CDK14: variants seen among roughly 807,000 people sequenced by gnomAD.
CDK14 encodes the protein cyclin-dependent kinase 14.
In CDK14, 34 loss-of-function variants were observed where a neutral mutation model predicts 60.7. The ratio of observed to expected loss-of-function variants is 0.56; its 90% CI spans 0.43 to 0.75. The LOEUF (loss-of-function observed/expected upper bound fraction) is 0.75. Among genes scored for constraint, CDK14 ranks in the 30% least tolerant of loss-of-function variants. The probability of loss-of-function intolerance (pLI) is 0.00; values close to 1 mark genes in which losing one functional copy is unlikely to be tolerated. For synonymous variants in CDK14, 197 were observed against 203.7 expected, an observed-to-expected ratio of 0.97 and a Z score of 0.28; for missense variants, 482 against 564.1, an observed-to-expected ratio of 0.85 and a Z score of 1.47.
intron 5 of CDK14, among the ~76,000 whole-genome samples, chr7:90,845,690 G>A (rs1790446858): frequency 2.0e-5 from 3 of 152,078 alleles, no homozygotes; most frequent in South Asian, 2.1e-4. Context: ...CGTATCACAG[G>A]TAATAGGCAC....
chr7:91,092,510 A>G (rs189271555), intron 12 of CDK14, among the ~76,000 whole-genome samples: 4 of 152,346 alleles, frequency 2.6e-5, no homozygotes, highest in African/African-American at 9.6e-5. Flanking sequence ...CCATGCACAA[A>G]GCAAGTTCCC....
At chr7:90,917,902 TGGA>T (rs1429381697) in intron 8 of CDK14, among the ~76,000 whole-genome samples, 178 bp downstream of exon 8, 5 of 152,096 alleles carry the variant, frequency 3.3e-5, no homozygotes. Context: ...TAATGCTTTG[TGGA>T]GTTTTATAAA....
intron 3 of CDK14, among the ~76,000 whole-genome samples, chr7:90,738,026 A>T (rs1192574585): frequency 6.6e-6 from 1 of 152,158 alleles, no homozygotes; most frequent in Non-Finnish European, 1.5e-5. Context: ...CAGTTCAGAC[A>T]CCCATCCTTG....
At chr7:90,920,915 CAGGT>C (rs529516604) in intron 8 of CDK14, among the ~76,000 whole-genome samples, 12 of 151,754 alleles carry the variant, frequency 7.9e-5, no homozygotes, top group Non-Finnish European at 1.5e-4. Context: ...CTCTGAATTC[CAGGT>C]AGTCAAAATG....
intron 10 of CDK14, among the ~76,000 whole-genome samples, chr7:90,998,293 T>A (rs566895662): frequency 6.6e-6 from 1 of 152,358 alleles, no homozygotes; most frequent in South Asian, 2.1e-4. Context: ...CCACTTAATT[T>A]TGTTGTCAAC....
chr7:90,733,556 C>G (rs1470625998), intron 3 of CDK14, among the ~76,000 whole-genome samples: 1 of 152,134 alleles, frequency 6.6e-6, no homozygotes, highest in Admixed American at 6.5e-5. Flanking sequence ...TTGCATTGAT[C>G]CCTTTACCAT....
intron 4 of CDK14, among the ~76,000 whole-genome samples, chr7:90,778,875 CCTTCCTTCCTTCCTTCCTTCCTT>C (rs1562765491): frequency 1.8e-5 from 2 of 111,230 alleles, no homozygotes; most frequent in Non-Finnish European, 3.6e-5. Flanking sequence ...TTCCTTCCTT[CCTTCCTTCCTTCCTTCCTTCCTT>C]CTTTTCTCTC....
intron 12 of CDK14, among the ~76,000 whole-genome samples, chr7:91,092,581 G>T (rs547404546): frequency 6.6e-6 from 1 of 152,144 alleles, no homozygotes; most frequent in Non-Finnish European, 1.5e-5. Flanking sequence ...CAGAAAAATC[G>T]TTTCACTAAA....
At chr7:90,773,155 G>A (rs1292319490) in intron 4 of CDK14, among the ~76,000 whole-genome samples, 1 of 152,184 alleles carries the variant, frequency 6.6e-6, no homozygotes, top group African/African-American at 2.4e-5. Context: ...TTGATCATGA[G>A]TGTCTTGAAA....
At chr7:90,946,859 C>T (rs1052189695) in intron 8 of CDK14, among the ~76,000 whole-genome samples, 1 of 152,158 alleles carries the variant, frequency 6.6e-6, no homozygotes, top group Non-Finnish European at 1.5e-5. Context: ...TTTTCACGGT[C>T]CCCGTCTCCC....
intron 12 of CDK14, among the ~76,000 whole-genome samples, chr7:91,099,136 G>C (rs1193167300): frequency 6.6e-6 from 1 of 152,002 alleles, no homozygotes; most frequent in Non-Finnish European, 1.5e-5. Flanking sequence ...AACTTCTCTA[G>C]GGTTTCAGAA....
At chr7:90,612,699 G>T (rs1023135340) in intron 2 of CDK14, among the ~76,000 whole-genome samples, 4 of 151,260 alleles carry the variant, frequency 2.6e-5, no homozygotes, top group African/African-American at 9.7e-5. Flanking sequence ...CTGAACCCGG[G>T]AGGCGGAGGT....
chr7:91,065,392 G>A (rs770580920), intron 11 of CDK14, among the ~76,000 whole-genome samples: 1 of 152,174 alleles, frequency 6.6e-6, no homozygotes, highest in Non-Finnish European at 1.5e-5. Context: ...GCAGTTTAGA[G>A]TAACATACAT....
intron 5 of CDK14, among the ~76,000 whole-genome samples, chr7:90,796,148 G>T (rs182343799): frequency 6.6e-6 from 1 of 152,268 alleles, no homozygotes; most frequent in East Asian, 1.9e-4. Context: ...AGTTGCGGTT[G>T]TGTTGTAGAA....
chr7:90,709,751 C>T, intron 2 of CDK14: 1 of 1,412,228 alleles, frequency 7.1e-7, no homozygotes, highest in South Asian at 1.6e-5. Context: ...AGATTAGCTT[C>T]TCTTAGGGGA....
At chr7:90,621,668 C>CCTGCCTTCCTGCCTTCCTGCCTTT (rs1799772222) in intron 2 of CDK14, among the ~76,000 whole-genome samples, 8 of 144,574 alleles carry the variant, frequency 5.5e-5, no homozygotes, top group Non-Finnish European at 1.1e-4. Context: ...TTCCTTCCTT[C>CCTGCCTTCCTGCCTTCCTGCCTTT]CTGCCTTCCT....
At chr7:90,976,140 T>C (rs1237299138) in intron 9 of CDK14, among the ~76,000 whole-genome samples, 2 of 152,232 alleles carry the variant, frequency 1.3e-5, no homozygotes, top group East Asian at 3.9e-4. Context: ...ACATTCCCAC[T>C]AACAGTATAT....
At chr7:91,131,169 C>T (rs756423563) in intron 14 of CDK14, among the ~76,000 whole-genome samples, 82 of 151,796 alleles carry the variant, frequency 5.4e-4, no homozygotes, top group Non-Finnish European at 5.3e-4. Context: ...AAAGCCAGTA[C>T]AGAGGATTAT....
intron 9 of CDK14, among the ~76,000 whole-genome samples, chr7:90,962,275 G>A (rs1181077105): frequency 1.3e-5 from 2 of 151,946 alleles, no homozygotes; most frequent in African/African-American, 2.4e-5. Context: ...TCACCTGAGG[G>A]CAGGAGTTCA....
Sources: gnomAD v4.1 joint callset for allele counts (sites outside exome capture counted in the v4.1 genomes callset) on GRCh38, gnomAD v4.1.1 for gene constraint, MANE v1.5 for transcripts, NCBI Gene and HGNC (gene_info 2026-07-23, HGNC 2026-07-21) for gene names.